LGSN: variants seen among roughly 807,000 people sequenced by gnomAD.
The protein encoded by LGSN is lengsin.
LGSN carries 21 observed loss-of-function variants against 19.5 expected under a neutral mutation model. The observed-to-expected ratio is 1.07, with a 90% confidence interval of 0.76 to 1.55. The LOEUF (loss-of-function observed/expected upper bound fraction) is 1.55, where lower values mean the gene tolerates loss of function less well. LGSN is among the 40% of genes most tolerant of loss of function. The pLI, the probability that LGSN is intolerant of heterozygous loss-of-function variation, is 0.00. For missense variants in LGSN, 673 were observed against 608.5 expected (o/e 1.11, Z -1.12); for synonymous variants, 257 against 215.6 (o/e 1.19, Z -1.68).
At chr6:63,461,138 G>C in the LGSN span, among the ~76,000 whole-genome samples, 1 of 152,140 alleles carries the variant, frequency 6.6e-6, no homozygotes, top group African/African-American at 2.4e-5. Context: ...TGCAATCTCA[G>C]CTCACTGCAA....
the LGSN span, chr6:63,573,526 G>T: frequency 6.6e-6 from 1 of 152,268 alleles, no homozygotes; most frequent in Non-Finnish European, 1.5e-5. Flanking sequence ...GCGTGCTCGG[G>T]CGCACACAGC....
chr6:63,433,982 T>C, the LGSN span, among the ~76,000 whole-genome samples: 1 of 152,166 alleles, frequency 6.6e-6, no homozygotes, highest in African/African-American at 2.4e-5. Context: ...AAAACATTTT[T>C]TTACAAAGGA....
chr6:63,482,663 T>A, the LGSN span, among the ~76,000 whole-genome samples: 1 of 151,976 alleles, frequency 6.6e-6, no homozygotes. Flanking sequence ...GAGGCAGAGG[T>A]TGCAATGAGC....
upstream of LGSN, among the ~76,000 whole-genome samples, chr6:63,324,808 T>TAAA (rs113742163): frequency 6.4e-5 from 9 of 141,212 alleles, no homozygotes; most frequent in African/African-American, 2.3e-4. Flanking sequence ...AACACCTACA[T>TAAA]AAAAAAAAAA....
chr6:63,543,511 A>G, the LGSN span, among the ~76,000 whole-genome samples: 31 of 152,334 alleles, frequency 2.0e-4, no homozygotes, highest in African/African-American at 7.2e-4. Flanking sequence ...TGAGAACAGT[A>G]TCTGACAGGA....
the LGSN span, among the ~76,000 whole-genome samples, chr6:63,445,205 GGAGGCT>G: frequency 6.6e-6 from 1 of 152,098 alleles, no homozygotes; most frequent in Non-Finnish European, 1.5e-5. Context: ...CAGCTACTCA[GGAGGCT>G]GAGGCAGGAG....
At chr6:63,403,870 T>A in the LGSN span, among the ~76,000 whole-genome samples, 1 of 152,112 alleles carries the variant, frequency 6.6e-6, no homozygotes. Flanking sequence ...TTCTAAACAA[T>A]GGAATGTGGT....
intron 2 of LGSN, among the ~76,000 whole-genome samples, chr6:63,294,535 C>A (rs984806984): frequency 2.0e-5 from 3 of 152,006 alleles, no homozygotes; most frequent in African/African-American, 7.2e-5. Flanking sequence ...AGTTGGAGTT[C>A]CAAAATGTGT....
chr6:63,423,836 G>A, the LGSN span, among the ~76,000 whole-genome samples: 6 of 152,040 alleles, frequency 3.9e-5, no homozygotes, highest in African/African-American at 1.2e-4. Flanking sequence ...TTAGGAGTTC[G>A]AGACCATCCT....
chr6:63,296,163 G>A (rs889589628), intron 1 of LGSN, among the ~76,000 whole-genome samples: 3 of 152,014 alleles, frequency 2.0e-5, no homozygotes, highest in African/African-American at 7.2e-5. Flanking sequence ...ATGATGCATT[G>A]TTATTATTGT....
the LGSN span, among the ~76,000 whole-genome samples, chr6:63,558,339 A>G: frequency 6.6e-6 from 1 of 152,152 alleles, no homozygotes; most frequent in South Asian, 2.1e-4. Context: ...AAATGAACAA[A>G]TAAGGCTTTT....
At chr6:63,412,717 A>AT in the LGSN span, among the ~76,000 whole-genome samples, 1 of 86,624 alleles carries the variant, frequency 1.2e-5, no homozygotes. Context: ...GAGGGAAGGA[A>AT]GGAAAGAAAG....
At chr6:63,412,529 G>GGAAGGAAAGAAAGAAAGAAA in the LGSN span, among the ~76,000 whole-genome samples, 1 of 32,378 alleles carries the variant, frequency 3.1e-5, no homozygotes, top group Non-Finnish European at 5.7e-5. Context: ...AAAGAAAGAA[G>GGAAGGAAAGAAAGAAAGAAA]GAAAGAAAGA....
At chr6:63,335,696 C>T in the LGSN span, among the ~76,000 whole-genome samples, 11 of 151,934 alleles carry the variant, frequency 7.2e-5, no homozygotes, top group African/African-American at 1.9e-4. Flanking sequence ...GAAAAAAGAA[C>T]TCTTATACAC....
chr6:63,389,932 T>C, the LGSN span, among the ~76,000 whole-genome samples: 1 of 149,600 alleles, frequency 6.7e-6, no homozygotes, highest in African/African-American at 2.5e-5. Context: ...TCCTCCCCCA[T>C]CCCCCACAAA....
chr6:63,412,390 T>TGAAAGAAGGAAA, the LGSN span, among the ~76,000 whole-genome samples: 3 of 59,154 alleles, frequency 5.1e-5, no homozygotes, highest in African/African-American at 2.3e-4. Context: ...GAAAGAGAGA[T>TGAAAGAAGGAAA]GAAAGAAGGA....
chr6:63,553,731 T>C, the LGSN span, among the ~76,000 whole-genome samples: 2 of 152,254 alleles, frequency 1.3e-5, no homozygotes, highest in Middle Eastern at 3.4e-3. Context: ...AAAGGTAAAT[T>C]ATGATTTAAA....
At chr6:63,342,338 G>A in the LGSN span, among the ~76,000 whole-genome samples, 878 of 152,186 alleles carry the variant, frequency 5.8e-3, 9 homozygotes, top group African/African-American at 0.02. Context: ...CAGTTCAAAC[G>A]ATTTAAGCAA....
At chr6:63,534,430 G>A in the LGSN span, among the ~76,000 whole-genome samples, 1 of 147,548 alleles carries the variant, frequency 6.8e-6, no homozygotes, top group African/African-American at 2.6e-5. Context: ...TAACACAGAA[G>A]CCATCACCAC....
Sources: gnomAD v4.1 joint callset for allele counts (sites outside exome capture counted in the v4.1 genomes callset) on GRCh38, gnomAD v4.1.1 for gene constraint, MANE v1.5 for transcripts, NCBI Gene and HGNC (gene_info 2026-07-23, HGNC 2026-07-21) for gene names.